Variants in CDH12 observed in about 807,000 individuals in gnomAD.
CDH12 encodes the protein cadherin 12, also known as cadherin-12.
In CDH12, 41 loss-of-function variants were observed where a neutral mutation model predicts 74.1. The ratio of observed to expected loss-of-function variants is 0.55; its 90% confidence interval spans 0.43 to 0.72. The LOEUF (loss-of-function observed/expected upper bound fraction) is 0.72, where lower values mean the gene tolerates loss of function less well. Ranked by LOEUF, CDH12 falls within the 30% of genes least tolerant of loss-of-function variation. CDH12 has a pLI of 0.00. For synonymous variants in CDH12, 399 were observed against 355.0 expected, an observed-to-expected ratio of 1.12 and a Z score of -1.39; for missense variants, 945 against 977.2, an observed-to-expected ratio of 0.97 and a Z score of 0.44.
At chr5:21,914,377 C>T (rs983018088) in intron 6 of CDH12, among the ~76,000 whole-genome samples, 7 of 152,150 alleles carry the variant, frequency 4.6e-5, no homozygotes, top group African/African-American at 1.7e-4. Flanking sequence ...CAACAATTTT[C>T]AGGAACACAG....
intron 3 of CDH12, among the ~76,000 whole-genome samples, chr5:22,403,703 G>A (rs1325669550): frequency 6.6e-6 from 1 of 152,152 alleles, no homozygotes; most frequent in Non-Finnish European, 1.5e-5. Context: ...AGAAGCCGGA[G>A]ACTATGAGTT....
At chr5:22,111,140 T>G (rs1304305197) in intron 4 of CDH12, among the ~76,000 whole-genome samples, 1 of 152,148 alleles carries the variant, frequency 6.6e-6, no homozygotes, top group African/African-American at 2.4e-5. Flanking sequence ...TACTTTCCTT[T>G]TATTTTCTTG....
chr5:22,229,246 A>T (rs6452068), intron 3 of CDH12, among the ~76,000 whole-genome samples: 150,932 of 151,848 alleles, frequency 0.99, 75,024 homozygotes, highest in Middle Eastern at 1. Flanking sequence ...GCCTTTCATT[A>T]TCATTCTTTT....
intron 6 of CDH12, among the ~76,000 whole-genome samples, chr5:21,861,115 C>T (rs1274518349): frequency 6.6e-6 from 1 of 151,964 alleles, no homozygotes; most frequent in Non-Finnish European, 1.5e-5. Flanking sequence ...GATCAAAAAT[C>T]AGATGGAAGA....
At chr5:22,760,226 C>G (rs1412927641) in intron 1 of CDH12, among the ~76,000 whole-genome samples, 4 of 152,120 alleles carry the variant, frequency 2.6e-5, no homozygotes, top group Non-Finnish European at 5.9e-5. Context: ...AGCATTAGGT[C>G]TATATAAAAC....
intron 3 of CDH12, among the ~76,000 whole-genome samples, chr5:22,315,761 G>C (rs1357342963): frequency 2.6e-5 from 4 of 152,096 alleles, no homozygotes; most frequent in Non-Finnish European, 4.4e-5. Context: ...ATGGATGAAG[G>C]TTTCAAGATG....
At chr5:22,174,205 A>G (rs1749204689) in intron 4 of CDH12, among the ~76,000 whole-genome samples, 1 of 152,046 alleles carries the variant, frequency 6.6e-6, no homozygotes, top group East Asian at 1.9e-4. Context: ...CTTCGACTAA[A>G]TCCTGTGTTG....
At chr5:22,496,124 G>A (rs1031200532) in intron 2 of CDH12, among the ~76,000 whole-genome samples, 10 of 152,126 alleles carry the variant, frequency 6.6e-5, no homozygotes, top group Admixed American at 6.5e-4. Flanking sequence ...TGTCACTACT[G>A]ATAAATGGCT....
chr5:21,783,686 G>T (rs1297374240), intron 10 of CDH12, among the ~76,000 whole-genome samples, 192 bp from the exon 11 acceptor site: 4 of 152,004 alleles, frequency 2.6e-5, no homozygotes, highest in Non-Finnish European at 4.4e-5. Flanking sequence ...AATAATAAAA[G>T]ATTTAGTACT....
At chr5:21,998,949 G>C (rs1189475340) in intron 5 of CDH12, among the ~76,000 whole-genome samples, 3 of 152,208 alleles carry the variant, frequency 2.0e-5, no homozygotes, top group South Asian at 4.1e-4. Context: ...ACACAATACA[G>C]AGAAAATTAA....
chr5:21,965,951 A>G (rs1215427995), intron 6 of CDH12, among the ~76,000 whole-genome samples: 1 of 152,102 alleles, frequency 6.6e-6, no homozygotes. Context: ...AAATTTTTAA[A>G]AATTCACAAA....
At chr5:22,277,606 G>T (rs1194413144) in intron 3 of CDH12, among the ~76,000 whole-genome samples, 1 of 152,042 alleles carries the variant, frequency 6.6e-6, no homozygotes, top group Non-Finnish European at 1.5e-5. Context: ...GCCAAAGAAG[G>T]GGGATCACCT....
intron 2 of CDH12, among the ~76,000 whole-genome samples, chr5:22,451,346 T>A (rs1745035260): frequency 6.6e-6 from 1 of 151,966 alleles, no homozygotes; most frequent in Admixed American, 6.6e-5. Flanking sequence ...TCTGCCCAGT[T>A]ATTTAAAATA....
At chr5:21,906,058 A>G (rs1217314929) in intron 6 of CDH12, among the ~76,000 whole-genome samples, 1 of 152,192 alleles carries the variant, frequency 6.6e-6, no homozygotes, top group East Asian at 1.9e-4. Flanking sequence ...ATATGTTACT[A>G]TAAGTACATA....
intron 1 of CDH12, among the ~76,000 whole-genome samples, chr5:22,655,345 T>G (rs1166066762): frequency 6.6e-6 from 1 of 152,194 alleles, no homozygotes; most frequent in Non-Finnish European, 1.5e-5. Context: ...AACTTTCTTG[T>G]GAAAGAAGCT....
At chr5:22,633,832 G>T (rs1267790938) in intron 1 of CDH12, among the ~76,000 whole-genome samples, 2 of 152,110 alleles carry the variant, frequency 1.3e-5, no homozygotes, top group African/African-American at 4.8e-5. Context: ...TGAACCAATA[G>T]CTTATAAGAA....
At chr5:22,397,749 A>G (rs960926973) in intron 3 of CDH12, among the ~76,000 whole-genome samples, 1 of 152,122 alleles carries the variant, frequency 6.6e-6, no homozygotes, top group African/African-American at 2.4e-5. Flanking sequence ...GCTTCAGACT[A>G]TGACTATATT....
chr5:22,496,110 A>T (rs908781789), intron 2 of CDH12, among the ~76,000 whole-genome samples: 4 of 152,184 alleles, frequency 2.6e-5, no homozygotes, highest in Non-Finnish European at 2.9e-5. Flanking sequence ...GAGGTTAAGT[A>T]ACTTGTCACT....
At chr5:22,185,326 G>A (rs1749882726) in intron 4 of CDH12, among the ~76,000 whole-genome samples, 1 of 151,664 alleles carries the variant, frequency 6.6e-6, no homozygotes. Flanking sequence ...AGCCTCCCAA[G>A]TAGCTGGGAT....
Sources: allele counts gnomAD v4.1 joint callset (sites outside exome capture counted in the v4.1 genomes callset), GRCh38; gene constraint gnomAD v4.1.1; transcripts MANE v1.5; gene names NCBI Gene and HGNC (gene_info 2026-07-23, HGNC 2026-07-21).